GGA1: variants seen among roughly 807,000 people sequenced by gnomAD.
GGA1 encodes ADP-ribosylation factor-binding protein GGA1.
In GGA1, 18 loss-of-function variants were observed where a neutral mutation model predicts 76.9. That is an observed-to-expected ratio of 0.23 (90% CI 0.16 to 0.35). The LOEUF (loss-of-function observed/expected upper bound fraction) is 0.35. GGA1 is among the 10% of genes least tolerant of loss of function. GGA1 has a pLI of 1.00. For missense variants in GGA1, 755 were observed against 859.0 expected (o/e 0.88, Z 1.51); for synonymous variants, 342 against 354.7 (o/e 0.96, Z 0.40).
In GGA1 at chr22:37,630,046, A is replaced by G. The variant is rs1325532784; in HGVS notation, c.1207A>G (p.Ser403Gly). 1.2e-6 allele frequency: 2 copies of G among 1,602,388 alleles called. No homozygotes were observed. Among genetic ancestry groups the G allele is most frequent in the Non-Finnish European group, 1.7e-6 (2 of 1,172,470 alleles). The change falls in exon 13 of 17, where the codon AGT (serine) becomes GGT (glycine). Residue 403 changes from serine (S) to glycine (G), a missense_variant. By Grantham distance (56) the Ser-to-Gly change is moderately conservative. Transcript: ENST00000343632. ...AGCCCCTGCTCTGGCCCAGGCCCCC[A>G]GTATGGAAAGCCGACCCCCAGCGCA... ...PPAPALAQAP[S>G]MESRPPAQTS...
chr22:37,626,062 G>T, intron 11 of GGA1, 113 bp downstream of exon 11: 2 of 771,858 alleles, frequency 2.6e-6, no homozygotes, highest in Non-Finnish European at 3.9e-6. Context: ...ATCCTGTGGG[G>T]CACGTGGATG....
At chr22:37,631,335 G>C (rs1051772199) in intron 14 of GGA1, among the ~76,000 whole-genome samples, 2 of 152,230 alleles carry the variant, frequency 1.3e-5, no homozygotes, top group African/African-American at 4.8e-5. Context: ...AAGACCTCTA[G>C]GGAGTAGGCT....
chr22:37,627,665 G>A (rs1483800620), intron 11 of GGA1, among the ~76,000 whole-genome samples: 1 of 152,238 alleles, frequency 6.6e-6, no homozygotes, highest in African/African-American at 2.4e-5. Flanking sequence ...CACAAGAGAA[G>A]CGAGATGCAG....
In GGA1 at chr22:37,632,322, G is replaced by T; in HGVS notation, c.1699-83G>T. The T allele has an allele frequency of 7.5e-7, 1 of 1,333,718 alleles. No individual in the cohort carries two copies. The highest frequency in any genetic ancestry group is 1.2e-5 in the South Asian group (1 of 83,556). 82.6% of individuals were successfully genotyped at this position (1,333,718 alleles called of 1,614,324 possible). ...GGACTGAGCCCCAGGATCCCCGGAGGGGAGCTGGCAGGCTGGGCCTGGTTC... is the reference window on the plus strand; with the variant it reads ...GGACTGAGCCCCAGGATCCCCGGAGTGGAGCTGGCAGGCTGGGCCTGGTTC... On this transcript the variant is annotated intron_variant, in intron 15 of 16. Coordinates refer to ENST00000343632, the MANE Select transcript of GGA1 (RefSeq NM_013365.5). This position sits in a 1 kb window ranked among gnomAD's most constrained non-coding sequence, Gnocchi z 5.1.
In GGA1 at chr22:37,627,987, C is replaced by T. The variant is rs28492881; in HGVS notation, c.1094-1475C>T. Among the ~76,000 whole-genome samples the T allele has an allele frequency of 4.7e-3, 720 of 152,230 alleles. 5 individuals carry two copies. Among genetic ancestry groups the T allele is most frequent in the African/African-American group, 0.017 (689 of 41,520 alleles). ...GACTACAGGTGTGTGCCACCACACC[C>T]GGTTAATTAGTTTATTTTTAGTAGA... On this transcript the variant is annotated intron_variant, in intron 11 of 16. Coordinates refer to ENST00000343632, the MANE Select transcript of GGA1 (RefSeq NM_013365.5).
chr22:37,629,405 C>T (rs1417538201), intron 11 of GGA1, 57 bp from the exon 12 acceptor site: 38 of 1,265,508 alleles, frequency 3.0e-5, no homozygotes, highest in South Asian at 5.1e-5. Flanking sequence ...CCCCTCGGCT[C>T]TCTGGCCTCT....
rs1931378801 is a variant in GGA1 at position 37,629,325 on chromosome 22, A to G, written c.1094-137A>G. ...TCTGCTCTGCTGCTGGTTCCCTCTG[A>G]AAATGTGGGTTTCTCCCCTCCGTGC... On this transcript the variant is annotated intron_variant, in intron 11 of 16. Transcript: ENST00000343632. 4.9e-6 allele frequency: 3 copies of G among 614,912 alleles called. No individual in the cohort carries two copies. In the East Asian group the frequency reaches 9.9e-5, roughly 20 times the overall value. 38.1% of individuals were successfully genotyped at this position (614,912 alleles called of 1,614,324 possible). A position where few individuals can be genotyped will look rare whatever the true frequency, so the allele number is the denominator to read the frequency against.
intron 11 of GGA1, among the ~76,000 whole-genome samples, chr22:37,627,962 G>A (rs571106363): frequency 1.3e-5 from 2 of 152,362 alleles, no homozygotes; most frequent in Non-Finnish European, 2.9e-5. Flanking sequence ...GAGTAGTTGG[G>A]ACTACAGGTG....
rs150803628 is a variant in GGA1, at chr22:37,632,082, G to C, written c.1615G>C (p.Asp539His). 65 of 1,613,634 alleles carry C rather than the reference G, an allele frequency of 4.0e-5. No individual in the cohort carries two copies. The highest frequency in any genetic ancestry group is 5.3e-5 in the Non-Finnish European group (63 of 1,179,952). Residue 539 changes from aspartate to histidine, a missense_variant, in exon 15 of 17, where the codon GAC becomes CAC. Transcript: ENST00000343632. This position sits in a 1 kb window ranked among gnomAD's most constrained non-coding sequence, Gnocchi z 5.1. ...CCGGGACCCACTGCCAGGGCGCTCCGACGTGCTGGTGGTGGTGGTTTCCAT... is the reference window on the plus strand; with the variant it reads ...CCGGGACCCACTGCCAGGGCGCTCCCACGTGCTGGTGGTGGTGGTTTCCAT... ...FARDPLPGRS[D>H]VLVVVVSMLS...
At chr22:37,611,765 G>A (rs920639858) in intron 1 of GGA1, among the ~76,000 whole-genome samples, 1 of 152,252 alleles carries the variant, frequency 6.6e-6, no homozygotes, top group Non-Finnish European at 1.5e-5. Context: ...TGGCTGGGAA[G>A]GGGTGGTCCT....
chr22:37,618,665 C>A, intron 4 of GGA1, 119 bp downstream of exon 4: 2 of 642,862 alleles, frequency 3.1e-6, no homozygotes, highest in South Asian at 3.4e-5. Flanking sequence ...CACCTCAGCC[C>A]CCCATTAGAA....
rs765739293 is a variant in GGA1 at position 37,621,610 on chromosome 22, C to T, written c.529-6C>T. 3 of 1,548,810 alleles carry T rather than the reference C, an allele frequency of 1.9e-6. No individual in the cohort carries two copies. In the South Asian group the frequency reaches 3.6e-5, roughly 18 times the overall value. On this transcript the variant is annotated splice_region_variant and splice_polypyrimidine_tract_variant and intron_variant, in intron 6 of 16. Coordinates refer to ENST00000343632, the MANE Select transcript of GGA1 (RefSeq NM_013365.5). ...CCCTCACGGTCACACCCCTCTGTCTCTGCAGATGCTGGCCCGCCTGCTGAA... is the reference window on the plus strand; with the variant it reads ...CCCTCACGGTCACACCCCTCTGTCTTTGCAGATGCTGGCCCGCCTGCTGAA...
At chr22:37,621,870 CCTGGGTGA>C (rs1929960718) in intron 7 of GGA1, among the ~76,000 whole-genome samples, 174 bp downstream of exon 7, 1 of 151,850 alleles carries the variant, frequency 6.6e-6, no homozygotes, top group South Asian at 2.1e-4. Flanking sequence ...TTCCCGGCAG[CCTGGGTGA>C]CTTGCTCTGG....
intron 11 of GGA1, among the ~76,000 whole-genome samples, chr22:37,627,340 G>A (rs1931029520): frequency 6.6e-6 from 1 of 152,122 alleles, no homozygotes; most frequent in African/African-American, 2.4e-5. Flanking sequence ...GAGAGCTGAA[G>A]GGGAAGGAGA....
In GGA1 at chr22:37,623,883, A is replaced by G. The variant is rs765129644; in HGVS notation, c.832+250A>G. ...TACTACCCGCAGCTGCACAGGAGGCAGACCCATCCCCTTTTCACAACTGGG... is the reference window on the plus strand; with the variant it reads ...TACTACCCGCAGCTGCACAGGAGGCGGACCCATCCCCTTTTCACAACTGGG... On this transcript the variant is annotated intron_variant, in intron 9 of 16. Coordinates refer to ENST00000343632, the MANE Select transcript of GGA1 (RefSeq NM_013365.5). This position sits in a 1 kb window ranked among gnomAD's most constrained non-coding sequence, Gnocchi z 4.6. 3.9e-5 allele frequency: 19 copies of G among 488,592 alleles called. No individual in the cohort carries two copies. Among genetic ancestry groups the G allele is most frequent in the Non-Finnish European group, 6.8e-5 (18 of 266,574 alleles). 30.3% of individuals were successfully genotyped at this position (488,592 alleles called of 1,614,324 possible).
Position 37,623,656 on chromosome 22 carries a change from G to A in GGA1, c.832+23G>A. 6.7e-7 allele frequency: 1 copy of A among 1,494,108 alleles called. No individual in the cohort carries two copies. The highest frequency in any genetic ancestry group is 2.4e-5 in the East Asian group (1 of 41,400). 92.6% of individuals were successfully genotyped at this position (1,494,108 alleles called of 1,614,324 possible). ...TAGGTGAGCCCAGGGCAGGTGCTGA[G>A]GTCAGGTCCCCCCCTCTCCCTCCAC... On this transcript the variant is annotated intron_variant, in intron 9 of 16. Coordinates refer to ENST00000343632, the MANE Select transcript of GGA1 (RefSeq NM_013365.5). The surrounding 1 kb of genome is among the most constrained non-coding windows in gnomAD (Gnocchi z 4.6).
chr22:37,617,021 C>T, intron 3 of GGA1, 24 bp downstream of exon 3: 3 of 1,581,554 alleles, frequency 1.9e-6, no homozygotes, highest in Non-Finnish European at 2.6e-6. Flanking sequence ...AGGCCACCAT[C>T]CGTCCCCCGC....
rs761063890 is a variant in GGA1, at chr22:37,623,481, C to T, written c.750+14C>T. 14 of 1,613,686 alleles carry T rather than the reference C, an allele frequency of 8.7e-6. No homozygotes were observed. In the South Asian group the frequency reaches 1.4e-4, roughly 16 times the overall value. Reference sequence around the variant, plus strand: ...GACCTCATGAAGGTGCACCTGCCTCCCTGCCTACCCCACTCCCTGCCCACT... The same window carrying T: ...GACCTCATGAAGGTGCACCTGCCTCTCTGCCTACCCCACTCCCTGCCCACT... On this transcript the variant is annotated intron_variant, in intron 8 of 16. Transcript: ENST00000343632. This position sits in a 1 kb window ranked among gnomAD's most constrained non-coding sequence, Gnocchi z 4.6.
Position 37,609,356 on chromosome 22 carries a change from C to T in GGA1, c.43+453C>T, listed in dbSNP as rs962701555. ...GGCCCTGCATGGCGTTCCTGGAGCCCGCAAGTAGTCACATTTGCTCATTAC... is the reference window on the plus strand; with the variant it reads ...GGCCCTGCATGGCGTTCCTGGAGCCTGCAAGTAGTCACATTTGCTCATTAC... On this transcript the variant is annotated intron_variant, in intron 1 of 16. Coordinates refer to ENST00000343632, the MANE Select transcript of GGA1 (RefSeq NM_013365.5). The T allele has an allele frequency of 5.5e-6, 6 of 1,094,376 alleles. No individual in the cohort carries two copies. In the African/African-American group the frequency reaches 1.0e-4, roughly 19 times the overall value. The allele number at this position is 1,094,376 out of a possible 1,614,324, so 67.8% of individuals were successfully genotyped here. A position where few individuals can be genotyped will look rare whatever the true frequency, so the allele number is the denominator to read the frequency against.
Sources: gnomAD v4.1 joint callset for allele counts (sites outside exome capture counted in the v4.1 genomes callset) on GRCh38, gnomAD v4.1.1 for gene constraint, Gnocchi (gnomAD v3.1) non-coding constraint, MANE v1.5 for transcripts, NCBI Gene and HGNC (gene_info 2026-07-23, HGNC 2026-07-21) for gene names.